TLK2: variants seen among roughly 807,000 people sequenced by gnomAD.
The protein encoded by TLK2 is serine/threonine-protein kinase tousled-like 2.
TLK2 carries 6 observed loss-of-function variants against 117.3 expected under a neutral mutation model. The ratio of observed to expected loss-of-function variants is 0.05; its 90% CI spans 0.03 to 0.10. The LOEUF (loss-of-function observed/expected upper bound fraction) is 0.10, where lower values mean the gene tolerates loss of function less well. Ranked by LOEUF, TLK2 falls within the 10% of genes least tolerant of loss-of-function variation. The pLI is 1.00. For missense variants in TLK2, 299 were observed against 901.2 expected, an observed-to-expected ratio of 0.33 and a Z score of 8.56; for synonymous variants, 257 against 316.7, an observed-to-expected ratio of 0.81 and a Z score of 2.00.
chr17:62,559,630 G>A (rs912513978), intron 9 of TLK2, among the ~76,000 whole-genome samples: 1 of 151,912 alleles, frequency 6.6e-6, no homozygotes, highest in South Asian at 2.1e-4. Context: ...TGCCTGCCTC[G>A]GCCTCCCAAA....
chr17:62,514,134 G>A (rs2075372836), intron 2 of TLK2, among the ~76,000 whole-genome samples: 2 of 151,860 alleles, frequency 1.3e-5, no homozygotes, highest in African/African-American at 2.4e-5. Context: ...TTACAACACA[G>A]CAAATAAATA....
chr17:62,591,560 C>T (rs2082086623), intron 16 of TLK2, among the ~76,000 whole-genome samples: 1 of 152,132 alleles, frequency 6.6e-6, no homozygotes, highest in East Asian at 1.9e-4. Context: ...GTTCTAACAC[C>T]TGCCTCAGTG....
In TLK2 at chr17:62,535,223, G is replaced by A. The variant is rs553645781; in HGVS notation, c.364-947G>A. ...TTTTAAGAGTTGCCTAACAGTGTGT[G>A]TATCCTTTTTGGTATCCAACAGGAA... On this transcript the variant is annotated intron_variant, in intron 6 of 21. Transcript: ENST00000346027. 9.2e-5 allele frequency among the ~76,000 whole-genome samples: 14 copies of A among 152,078 alleles called. No homozygotes were observed. In the East Asian group the frequency reaches 1.9e-3, roughly 21 times the overall value.
At chr17:62,539,636 C>T (rs1338059095) in intron 7 of TLK2, among the ~76,000 whole-genome samples, 3 of 152,092 alleles carry the variant, frequency 2.0e-5, no homozygotes, top group East Asian at 1.9e-4. Context: ...TTGGCTACCA[C>T]GCCTGGCTGA....
At chr17:62,612,292 A>G in intron 21 of TLK2, 100 bp from the exon 22 acceptor site, 1 of 1,317,358 alleles carries the variant, frequency 7.6e-7, no homozygotes, top group East Asian at 2.4e-5. Flanking sequence ...TCTTTAGTTG[A>G]TATTTGCTCT....
At chr17:62,480,995 T>C in intron 1 of TLK2, 126 bp from the exon 2 acceptor site, 1 of 853,892 alleles carries the variant, frequency 1.2e-6, no homozygotes, top group African/African-American at 1.7e-5. Flanking sequence ...TTGTATGCTA[T>C]ATTTACTTGA....
At chr17:62,503,135 C>T (rs1296632831) in intron 2 of TLK2, among the ~76,000 whole-genome samples, 4 of 148,368 alleles carry the variant, frequency 2.7e-5, no homozygotes, top group Admixed American at 6.9e-5. Context: ...TCTTGGCTCA[C>T]GGCAAGCTCC....
At chr17:62,594,269 G>A (rs760443949) in intron 16 of TLK2, among the ~76,000 whole-genome samples, 1 of 152,020 alleles carries the variant, frequency 6.6e-6, no homozygotes. Flanking sequence ...TTAGCTGGGC[G>A]TGCTGGGATG....
At chr17:62,586,470 C>G (rs948122407) in intron 16 of TLK2, among the ~76,000 whole-genome samples, 2 of 152,164 alleles carry the variant, frequency 1.3e-5, no homozygotes, top group Admixed American at 6.5e-5. Context: ...GCCCTAGGTA[C>G]TCTTAACCTT....
At chr17:62,567,227 C>T (rs1172030371) in intron 11 of TLK2, among the ~76,000 whole-genome samples, 1 of 152,052 alleles carries the variant, frequency 6.6e-6, no homozygotes, top group Non-Finnish European at 1.5e-5. Context: ...AGAGCCAGAC[C>T]CTGTCTCATA....
chr17:62,517,425 C>G (rs1426529136), intron 2 of TLK2, among the ~76,000 whole-genome samples: 1 of 152,092 alleles, frequency 6.6e-6, no homozygotes, highest in South Asian at 2.1e-4. Flanking sequence ...GACGGAGTCT[C>G]GCTCTGTTGC....
chr17:62,525,036 A>C (rs2076278687), intron 6 of TLK2, among the ~76,000 whole-genome samples: 1 of 152,186 alleles, frequency 6.6e-6, no homozygotes, highest in Admixed American at 6.5e-5. Flanking sequence ...ATTCCTGAGT[A>C]AGCTAACATA....
At chr17:62,572,078 G>A (rs1056213517) in intron 11 of TLK2, among the ~76,000 whole-genome samples, 3 of 151,436 alleles carry the variant, frequency 2.0e-5, no homozygotes, top group Non-Finnish European at 4.4e-5. Flanking sequence ...GCTGAGGCAC[G>A]AGAATCACTT....
intron 6 of TLK2, among the ~76,000 whole-genome samples, chr17:62,531,541 AGTT>A (rs1436117477): frequency 2.0e-5 from 3 of 151,962 alleles, no homozygotes; most frequent in Non-Finnish European, 2.9e-5. Flanking sequence ...TGTTTTTCTT[AGTT>A]GTTGTTCATG....
intron 6 of TLK2, among the ~76,000 whole-genome samples, chr17:62,530,471 C>T (rs541919816): frequency 6.6e-6 from 1 of 151,996 alleles, no homozygotes; most frequent in Admixed American, 6.6e-5. Flanking sequence ...TGTCTCAAAA[C>T]CCCCAGAAAA....
upstream of TLK2, among the ~76,000 whole-genome samples, chr17:62,475,202 A>G (rs991676324): frequency 6.6e-6 from 1 of 152,206 alleles, no homozygotes; most frequent in African/African-American, 2.4e-5. Flanking sequence ...AATTTTAATG[A>G]AAGCTGCTCA....
At chr17:62,548,915 A>G (rs1478872749) in intron 7 of TLK2, among the ~76,000 whole-genome samples, 1 of 147,818 alleles carries the variant, frequency 6.8e-6, no homozygotes, top group Non-Finnish European at 1.5e-5. Context: ...TTTTTTTTGT[A>G]TGTTTAGTAG....
rs191247867 is a variant in TLK2 at position 62,596,572 on chromosome 17, C to G, written c.1461-13C>G. 1.2e-6 allele frequency: 2 copies of G among 1,610,002 alleles called. No individual in the cohort carries two copies. The highest frequency in any genetic ancestry group is 1.7e-5 in the Admixed American group (1 of 59,902). ...CAATATACCTTCTTGTTAATTTTCCCTTTTGTTTACAGGCATGCATGTAGG... is the reference window on the plus strand; with the variant it reads ...CAATATACCTTCTTGTTAATTTTCCGTTTTGTTTACAGGCATGCATGTAGG... On this transcript the variant is annotated splice_polypyrimidine_tract_variant and intron_variant, in intron 16 of 21. Coordinates refer to ENST00000346027, the MANE Select transcript of TLK2 (RefSeq NM_006852.6).
chr17:62,607,407 T>TAGTCCC (rs1453909280), intron 20 of TLK2, among the ~76,000 whole-genome samples: 1 of 150,880 alleles, frequency 6.6e-6, no homozygotes, highest in Non-Finnish European at 1.5e-5. Context: ...CGGGTGCCTG[T>TAGTCCC]AGTCCCAGCT....
Sources: gnomAD v4.1 joint callset for allele counts (sites outside exome capture counted in the v4.1 genomes callset) on GRCh38, gnomAD v4.1.1 for gene constraint, MANE v1.5 for transcripts, NCBI Gene and HGNC (gene_info 2026-07-23, HGNC 2026-07-21) for gene names.